The following JAM3 variants were observed in gnomAD, a reference collection of about 807,000 sequenced individuals.
JAM3 encodes junctional adhesion molecule C.
JAM3 carries 31 observed loss-of-function variants against 39.4 expected under a neutral mutation model. That is an observed-to-expected ratio of 0.79 (90% CI 0.59 to 1.06). The LOEUF (loss-of-function observed/expected upper bound fraction) is 1.06. JAM3 is among the 50% of genes least tolerant of loss of function. The pLI is 0.00. For synonymous variants in JAM3, 182 were observed against 148.7 expected (o/e 1.22, Z -1.63); for missense variants, 455 against 391.4 (o/e 1.16, Z -1.37).
intron 1 of JAM3, among the ~76,000 whole-genome samples, chr11:134,110,848 A>G (rs1455152022): frequency 3.7e-4 from 57 of 152,212 alleles, no homozygotes; most frequent in Non-Finnish European, 4.4e-5. Flanking sequence ...TTATATGTCA[A>G]TTATACCTTG....
rs967500313 is a variant in JAM3 at position 134,148,498 on chromosome 11, A to T, written c.713-49A>T. 9 of 1,613,622 alleles carry T rather than the reference A, an allele frequency of 5.6e-6. No homozygotes were observed. In the Admixed American group the frequency reaches 6.7e-5, roughly 12 times the overall value. ...CACAGCAGGGCCAGGGCCTTTTTAAATAACAGATAGTGTGTATCATGGCTT... is the reference window on the plus strand; with the variant it reads ...CACAGCAGGGCCAGGGCCTTTTTAATTAACAGATAGTGTGTATCATGGCTT... On this transcript the variant is annotated intron_variant, in intron 6 of 8. Coordinates refer to ENST00000299106, the MANE Select transcript of JAM3 (RefSeq NM_032801.5).
At chr11:134,137,062 G>A (rs1591803852) in intron 1 of JAM3, among the ~76,000 whole-genome samples, 1 of 151,388 alleles carries the variant, frequency 6.6e-6, no homozygotes, top group African/African-American at 2.4e-5. Context: ...GCAGTGAGCC[G>A]AGGTTGCGCC....
At chr11:134,093,470 A>G (rs1365116005) in intron 1 of JAM3, among the ~76,000 whole-genome samples, 1 of 133,544 alleles carries the variant, frequency 7.5e-6, no homozygotes, top group Non-Finnish European at 1.6e-5. Flanking sequence ...TCCACCTTAC[A>G]TCTTATTCAT....
intron 1 of JAM3, among the ~76,000 whole-genome samples, chr11:134,069,934 C>T (rs1941461571): frequency 1.3e-5 from 2 of 152,282 alleles, no homozygotes; most frequent in South Asian, 2.1e-4. Flanking sequence ...GACTCTTATC[C>T]GGAAATAGCA....
chr11:134,096,732 T>C (rs902682761), intron 1 of JAM3, among the ~76,000 whole-genome samples: 10 of 152,198 alleles, frequency 6.6e-5, no homozygotes, highest in African/African-American at 2.4e-4. Context: ...CTGACTTCTT[T>C]GTTGTATTGG....
intron 1 of JAM3, among the ~76,000 whole-genome samples, chr11:134,104,768 A>G (rs986432633): frequency 1.3e-5 from 2 of 152,180 alleles, no homozygotes; most frequent in African/African-American, 2.4e-5. Context: ...AAATGGATAA[A>G]TTCCTGGACA....
chr11:134,103,573 G>C (rs1445673338), intron 1 of JAM3, among the ~76,000 whole-genome samples: 1 of 152,124 alleles, frequency 6.6e-6, no homozygotes, highest in Non-Finnish European at 1.5e-5. Flanking sequence ...CTGGCAAATT[G>C]GATAAAGAGT....
At position 134,149,426 on chromosome 11, in the gene JAM3, G is replaced by C. The variant is rs1943149201; in HGVS notation, c.*245G>C. The C allele has an allele frequency of 1.7e-6, 1 of 605,540 alleles. No homozygotes were observed. The highest frequency in any genetic ancestry group is 2.8e-5 in the East Asian group (1 of 35,214). 37.5% of individuals were successfully genotyped at this position (605,540 alleles called of 1,614,324 possible). On this transcript the variant is annotated 3_prime_UTR_variant, in exon 9 of 9. Transcript: ENST00000299106. ...AAGCGAAACTGGGTGCGTTCACTGA[G>C]TTGGGTTCCTAATCTGTTTCTGGCC...
At chr11:134,127,794 C>T (rs1025935756) in intron 1 of JAM3, among the ~76,000 whole-genome samples, 8 of 152,130 alleles carry the variant, frequency 5.3e-5, no homozygotes, top group East Asian at 1.9e-4. Flanking sequence ...GAGTGACAAC[C>T]GCTGCTCCTA....
intron 1 of JAM3, among the ~76,000 whole-genome samples, chr11:134,125,466 G>A (rs1044192768): frequency 2.0e-4 from 31 of 152,184 alleles, no homozygotes; most frequent in Middle Eastern, 3.4e-3. Context: ...TTTTAGTTCT[G>A]GATAGATTTT....
intron 1 of JAM3, chr11:134,070,094 A>G (rs1022264176): frequency 2.9e-5 from 13 of 454,668 alleles, no homozygotes; most frequent in Non-Finnish European, 4.0e-5. Flanking sequence ...TGTACTGTCT[A>G]CTAGGCACTT....
chr11:134,148,996 T>C (rs539222462), intron 8 of JAM3, 150 bp from the exon 9 acceptor site: 7 of 752,916 alleles, frequency 9.3e-6, no homozygotes, highest in Non-Finnish European at 1.5e-5. Context: ...ACACACACAC[T>C]AATGGGATTT....
rs188034645 is a variant in JAM3 at position 134,079,380 on chromosome 11, C to G, written c.76+10221C>G. ...GGGACAAAATACAAAGGTAACTTTA[C>G]CGAGCTTTCCAGCTGAAATCTGGAT... On this transcript the variant is annotated intron_variant, in intron 1 of 8. Coordinates refer to ENST00000299106, the MANE Select transcript of JAM3 (RefSeq NM_032801.5). Among the ~76,000 whole-genome samples the G allele has an allele frequency of 1.8e-4, 27 of 152,290 alleles. No homozygotes were observed. The East Asian group carries it at 4.8e-3, about 27-fold the overall frequency.
chr11:134,076,417 A>G (rs1372819902), intron 1 of JAM3, among the ~76,000 whole-genome samples: 1 of 151,918 alleles, frequency 6.6e-6, no homozygotes, highest in Admixed American at 6.6e-5. Context: ...GGCCTCCCAA[A>G]GTGCTGGATC....
chr11:134,112,548 T>C (rs867722312), intron 1 of JAM3, among the ~76,000 whole-genome samples: 4 of 152,210 alleles, frequency 2.6e-5, no homozygotes, highest in Non-Finnish European at 4.4e-5. Context: ...CACACACACA[T>C]ATTTTGCTAA....
At chr11:134,090,746 A>G (rs916641957) in intron 1 of JAM3, among the ~76,000 whole-genome samples, 8 of 152,114 alleles carry the variant, frequency 5.3e-5, no homozygotes, top group African/African-American at 1.4e-4. Context: ...CCAAACTACT[A>G]AAGTGTTGGA....
At chr11:134,149,034 T>A in intron 8 of JAM3, 112 bp from the exon 9 acceptor site, 1 of 1,345,050 alleles carries the variant, frequency 7.4e-7, no homozygotes. Flanking sequence ...GTGATGGTAC[T>A]TTTTAAGAAT....
chr11:134,110,826 A>C (rs959770970), intron 1 of JAM3, among the ~76,000 whole-genome samples: 1 of 152,168 alleles, frequency 6.6e-6, no homozygotes, highest in Non-Finnish European at 1.5e-5. Context: ...GTATAATTTA[A>C]ATATGTGCAC....
chr11:134,123,753 ATT>A, intron 1 of JAM3: 1 of 645,498 alleles, frequency 1.5e-6, no homozygotes, highest in South Asian at 1.7e-5. Flanking sequence ...AAGATTCCAG[ATT>A]CACATTTCCA....
Sources: gnomAD v4.1 joint callset for allele counts (sites outside exome capture counted in the v4.1 genomes callset) on GRCh38, gnomAD v4.1.1 for gene constraint, MANE v1.5 for transcripts, NCBI Gene and HGNC (gene_info 2026-07-23, HGNC 2026-07-21) for gene names.